The following MMP2 variants were observed in gnomAD, a reference collection of about 807,000 sequenced individuals.
MMP2 encodes matrix metallopeptidase 2, also known as 72 kDa type IV collagenase.
MMP2 carries 39 observed loss-of-function variants against 74.8 expected under a neutral mutation model. The observed-to-expected ratio is 0.52, with a 90% CI of 0.40 to 0.68. MMP2 has a LOEUF of 0.68. Among genes scored for constraint, MMP2 ranks in the 30% least tolerant of loss-of-function variants. The probability of loss-of-function intolerance (pLI) is 0.00; values close to 1 mark genes in which losing one functional copy is unlikely to be tolerated. For synonymous variants in MMP2, 367 were observed against 339.8 expected, an observed-to-expected ratio of 1.08 and a Z score of -0.88; for missense variants, 803 against 878.3, an observed-to-expected ratio of 0.91 and a Z score of 1.08.
chr16:55,503,611 T>A (rs1369799560), intron 12 of MMP2, among the ~76,000 whole-genome samples: 4 of 152,126 alleles, frequency 2.6e-5, no homozygotes, highest in Non-Finnish European at 5.9e-5. Context: ...GATGCTAGAT[T>A]AGGAGTTATC....
chr16:55,488,134 A>G (rs1411510236), intron 5 of MMP2: 1 of 234,790 alleles, frequency 4.3e-6, no homozygotes, highest in Non-Finnish European at 8.4e-6. Context: ...TTCTCCACCT[A>G]TCAAATGGAG....
At chr16:55,502,938 C>A (rs1314873476) in intron 12 of MMP2, 50 bp downstream of exon 12, 22 of 1,423,760 alleles carry the variant, frequency 1.5e-5, no homozygotes, top group Non-Finnish European at 2.1e-5. Flanking sequence ...CGCCCCTAGC[C>A]AGGGCCCAGC....
At chr16:55,489,464 C>T (rs1351148230) in intron 6 of MMP2, among the ~76,000 whole-genome samples, 187 bp from the exon 7 acceptor site, 1 of 152,166 alleles carries the variant, frequency 6.6e-6, no homozygotes, top group Admixed American at 6.5e-5. Context: ...ATCCATGAAA[C>T]GCGGTGCTAT....
chr16:55,490,634 G>T (rs1962382495), intron 7 of MMP2, among the ~76,000 whole-genome samples: 1 of 152,148 alleles, frequency 6.6e-6, no homozygotes, highest in Admixed American at 6.5e-5. Flanking sequence ...GCAGGTCCAG[G>T]GCCTGTCAGA....
chr16:55,490,441 T>C (rs1424189147), intron 7 of MMP2, among the ~76,000 whole-genome samples: 1 of 152,082 alleles, frequency 6.6e-6, no homozygotes, highest in Admixed American at 6.5e-5. Flanking sequence ...CTGGGACAGC[T>C]CTCTGCCCCC....
intron 5 of MMP2, chr16:55,488,181 A>G (rs1596814054): frequency 3.3e-6 from 1 of 299,432 alleles, no homozygotes; most frequent in East Asian, 8.6e-5. Context: ...TGACTGATAT[A>G]TTCATGTCAT....
rs550582354 is a variant in MMP2 at position 55,481,787 on chromosome 16, A to G, written c.154-1122A>G. 9 of 722,714 alleles carry G rather than the reference A, an allele frequency of 1.2e-5. No homozygotes were observed. The South Asian group carries it at 1.3e-4, about 11-fold the overall frequency. 44.8% of individuals were successfully genotyped at this position (722,714 alleles called of 1,614,324 possible). On this transcript the variant is annotated intron_variant, in intron 1 of 12. Transcript: ENST00000219070. ...AGCTGGCCTAGTGATGATGTTAGGC[A>G]AGTGACTTCTCAGTTTCTTCATCTG... is the stretch of plus-strand genomic sequence containing the variant.
In MMP2 at chr16:55,483,320, G is replaced by A. The variant is rs865094; in HGVS notation, c.380+185G>A. 0.76 allele frequency among the ~76,000 whole-genome samples: 116,390 copies of A among 152,150 alleles called. 44,973 individuals are homozygous for A. Among genetic ancestry groups the A allele is most frequent in the Non-Finnish European group, 0.82 (56,107 of 68,012 alleles). ...GACAGACTTGAGTTTCATACTTGCT[G>A]GCCATGAGACATTGGGTTACTTTTC... On this transcript the variant is annotated intron_variant, in intron 2 of 12. Transcript: ENST00000219070.
intron 8 of MMP2, among the ~76,000 whole-genome samples, chr16:55,492,507 A>T (rs1272972207): frequency 6.6e-6 from 1 of 151,658 alleles, no homozygotes; most frequent in African/African-American, 2.4e-5. Flanking sequence ...AGAGTTTAAA[A>T]AGTCAGTTCA....
intron 7 of MMP2, among the ~76,000 whole-genome samples, chr16:55,490,034 G>A (rs548948017): frequency 1.5e-4 from 23 of 152,242 alleles, no homozygotes; most frequent in African/African-American, 5.1e-4. Context: ...CCAGGTGGAG[G>A]CACAGCCTCC....
In MMP2 at chr16:55,485,286, G is replaced by T. The variant is rs1212364249; in HGVS notation, c.530-13G>T. ...TGGCACAGCTAGACGCTAAGACCCAGTGTGTGTTTCAGAGCATGGCGATGG... is the reference window on the plus strand; with the variant it reads ...TGGCACAGCTAGACGCTAAGACCCATTGTGTGTTTCAGAGCATGGCGATGG... On this transcript the variant is annotated splice_polypyrimidine_tract_variant and intron_variant, in intron 3 of 12. Transcript: ENST00000219070. The T allele has an allele frequency of 6.2e-7, 1 of 1,614,020 alleles. No individual in the cohort carries two copies. The highest frequency in any genetic ancestry group is 8.5e-7 in the Non-Finnish European group (1 of 1,180,010).
chr16:55,505,417 T>A lies in MMP2; in HGVS notation c.1958T>A (p.Ile653Asn). 1 of 1,613,986 alleles carries A rather than the reference T, an allele frequency of 6.2e-7. No homozygotes were observed. The highest frequency in any genetic ancestry group is 8.5e-7 in the Non-Finnish European group (1 of 1,179,968). The change falls in exon 13 of 13, where the codon ATC becomes AAC. Residue 653 changes from isoleucine to asparagine, a missense_variant. Coordinates refer to ENST00000219070, the MANE Select transcript of MMP2 (RefSeq NM_004530.6). Reference protein sequence around the residue: ...QSLKSVKFGSIKSDWLGC With the variant: ...QSLKSVKFGSNKSDWLGC ...CTGAAGAGCGTGAAGTTTGGAAGCA[T>A]CAAATCCGACTGGCTAGGCTGCTGA...
At chr16:55,498,766 T>C (rs940566700) in intron 11 of MMP2, among the ~76,000 whole-genome samples, 1 of 152,174 alleles carries the variant, frequency 6.6e-6, no homozygotes, top group Non-Finnish European at 1.5e-5. Context: ...ATAAAGATAA[T>C]AACTGCTCCT....
chr16:55,499,288 C>T (rs1271445110), intron 11 of MMP2, among the ~76,000 whole-genome samples: 1 of 152,092 alleles, frequency 6.6e-6, no homozygotes, highest in Non-Finnish European at 1.5e-5. Context: ...TGTTAGTCTT[C>T]ACTCTTCACT....
At position 55,486,347 on chromosome 16, in the gene MMP2, CTGTGTGTGTGTGTGTG is replaced by C. The variant is rs57608135; in HGVS notation, c.832+598_832+613del. Among the ~76,000 whole-genome samples the C allele has an allele frequency of 3.2e-3, 445 of 137,802 alleles. 1 individual carries two copies. Among genetic ancestry groups the C allele is most frequent in the Middle Eastern group, 7.3e-3 (2 of 274 alleles). 90.4% of individuals were successfully genotyped at this position (137,802 alleles called of 152,430 possible). ...CGTGTGTGTGTGTGTGTGTGTGTGCCTGTGTGTGTGTGTGTGTGTGTGTGTGTGTGTGTGTGTGTGT... is the reference window on the plus strand; with the variant it reads ...CGTGTGTGTGTGTGTGTGTGTGTGCCTGTGTGTGTGTGTGTGTGTGTGTGT... On this transcript the variant is annotated intron_variant, in intron 5 of 12. Transcript: ENST00000219070.
At position 55,497,077 on chromosome 16, in the gene MMP2, C is replaced by T; in HGVS notation, c.1609+15C>T. 6.2e-7 allele frequency: 1 copy of T among 1,613,906 alleles called. No homozygotes were observed. The highest frequency in any genetic ancestry group is 8.5e-7 in the Non-Finnish European group (1 of 1,180,016). On this transcript the variant is annotated intron_variant, in intron 10 of 12. Coordinates refer to ENST00000219070, the MANE Select transcript of MMP2 (RefSeq NM_004530.6). Reference sequence around the variant, plus strand: ...GTTCTTTGCAGGTGTGTGGGAAGCACCCTTCCTTGGCCCTCAGCTCCACAG... The same window carrying T: ...GTTCTTTGCAGGTGTGTGGGAAGCATCCTTCCTTGGCCCTCAGCTCCACAG...
Position 55,497,003 on chromosome 16 carries a change from C to T in MMP2, c.1550C>T (p.Pro517Leu), listed in dbSNP as rs772654963. The T allele has an allele frequency of 5.0e-6, 8 of 1,614,028 alleles. No individual in the cohort carries two copies. The highest frequency in any genetic ancestry group is 4.5e-5 in the East Asian group (2 of 44,884). Residue 517 changes from proline (P) to leucine (L), a missense_variant, in exon 10 of 13, where the codon CCG becomes CTG. Physicochemically the swap from Pro to Leu is moderately conservative, Grantham distance 98. Around this residue, in one of 3 missense-constraint regions of MMP2, gnomAD observed 555 missense variants for 592.0 expected, o/e 0.94. Coordinates refer to ENST00000219070, the MANE Select transcript of MMP2 (RefSeq NM_004530.6). Reference protein sequence around the residue: ...LLVATFWPELPEKIDAVYEAP... With the variant: ...LLVATFWPELLEKIDAVYEAP... ...GTGGCCACATTCTGGCCTGAGCTCC[C>T]GGAAAAGATTGATGCGGTATACGAG...
rs1196485000 is a variant in MMP2, at chr16:55,488,556, G to A, written c.846G>A (p.Met282Ile). 1.2e-6 allele frequency: 2 copies of A among 1,613,840 alleles called. No individual in the cohort carries two copies. Among genetic ancestry groups the A allele is most frequent in the Non-Finnish European group, 1.7e-6 (2 of 1,179,934 alleles). ...CCCCACCCTTAGCCCTGTTCACCAT[G>A]GGCGGCAACGCTGAAGGACAGCCCT... ...GFCPHEALFT[M>I]GGNAEGQPCK... Residue 282 changes from methionine (M) to isoleucine (I), a missense_variant, in exon 6 of 13, where the codon ATG becomes ATA. This residue lies in a region of MMP2 where 555 missense variants were observed against 592.0 expected (regional missense o/e 0.94). Coordinates refer to ENST00000219070, the MANE Select transcript of MMP2 (RefSeq NM_004530.6).
Position 55,488,590 on chromosome 16 carries a change from C to T in MMP2, c.880C>T (p.Pro294Ser). Residue 294 changes from proline to serine, a missense_variant, in exon 6 of 13, where the codon CCA becomes TCA. Pro to Ser is a moderately conservative substitution (Grantham distance 74). Around this residue, in one of 3 missense-constraint regions of MMP2, gnomAD observed 555 missense variants for 592.0 expected, o/e 0.94. Coordinates refer to ENST00000219070, the MANE Select transcript of MMP2 (RefSeq NM_004530.6). Reference protein sequence around the residue: ...GNAEGQPCKFPFRFQGTSYDS... With the variant: ...GNAEGQPCKFSFRFQGTSYDS... ...CGCTGAAGGACAGCCCTGCAAGTTT[C>T]CATTCCGCTTCCAGGGCACATCCTA... 1 of 1,613,990 alleles carries T rather than the reference C, an allele frequency of 6.2e-7. No homozygotes were observed. The highest frequency in any genetic ancestry group is 8.5e-7 in the Non-Finnish European group (1 of 1,179,962).
Sources: allele counts gnomAD v4.1 joint callset (sites outside exome capture counted in the v4.1 genomes callset), GRCh38; gene constraint gnomAD v4.1.1; regional missense constraint gnomAD v4.1.1; transcripts MANE v1.5; gene names NCBI Gene and HGNC (gene_info 2026-07-23, HGNC 2026-07-21).